RGPD4: variants seen among roughly 807,000 people sequenced by gnomAD.
RGPD4 encodes the protein RANBP2 like and GRIP domain containing 4.
In RGPD4, 84 loss-of-function variants were observed where a neutral mutation model predicts 141.1. The ratio of observed to expected loss-of-function variants is 0.60; its 90% confidence interval spans 0.50 to 0.71. The LOEUF is 0.71. RGPD4 is among the 30% of genes least tolerant of loss of function. The pLI, the probability that RGPD4 is intolerant of heterozygous loss-of-function variation, is 0.00. For missense variants in RGPD4, 918 were observed against 1,622.4 expected, an observed-to-expected ratio of 0.57 and a Z score of 7.46; for synonymous variants, 298 against 566.8, an observed-to-expected ratio of 0.53 and a Z score of 6.74.
chr2:107,853,976 T>C (rs943927557), intron 7 of RGPD4, among the ~76,000 whole-genome samples: 4 of 143,298 alleles, frequency 2.8e-5, no homozygotes, highest in African/African-American at 1.1e-4. Context: ...TCTTGAACTC[T>C]GGGCTCAAGT....
rs545456344 is a variant in RGPD4, at chr2:107,880,058, T to G, written c.5015T>G (p.Leu1672Arg). 293 of 1,611,426 alleles carry G rather than the reference T, an allele frequency of 1.8e-4. 1 individual carries two copies. Among genetic ancestry groups the G allele is most frequent in the South Asian group, 1.3e-3 (118 of 90,984 alleles). Residue 1672 changes from leucine (L) to arginine (R), a missense_variant, in exon 21 of 23, where the codon CTG becomes CGG. Physicochemically the swap from Leu to Arg is moderately radical, Grantham distance 102. Coordinates refer to ENST00000408999, the MANE Select transcript of RGPD4 (RefSeq NM_182588.3). ...TTKSADHLNG[L>R]LREAEATSAV... Reference sequence around the variant, plus strand: ...AAAAGTGCAGATCACTTAAACGGCCTGCTTCGGGAAGCAGAGGCAACCAGT... The same window carrying G: ...AAAAGTGCAGATCACTTAAACGGCCGGCTTCGGGAAGCAGAGGCAACCAGT...
At chr2:107,869,792 T>C (rs1682843807) in intron 18 of RGPD4, 91 bp from the exon 19 acceptor site, 3 of 1,470,134 alleles carry the variant, frequency 2.0e-6, no homozygotes, top group Non-Finnish European at 9.1e-7. Flanking sequence ...TTAATTTCTA[T>C]TGCTTTTGTA....
rs747724256 is a variant in RGPD4 at position 107,871,028 on chromosome 2, C to T, written c.3024C>T (p.Cys1008=). The T allele has an allele frequency of 5.9e-5, 95 of 1,610,958 alleles. No individual in the cohort carries two copies. The highest frequency in any genetic ancestry group is 2.3e-4 in the Middle Eastern group (1 of 4,430). Residue 1008 remains cysteine (C), a synonymous_variant, in exon 20 of 23, where the codon TGC becomes TGT. Coordinates refer to ENST00000408999, the MANE Select transcript of RGPD4 (RefSeq NM_182588.3). ...GAGAAAAATTATTCTCATCACAATG[C>T]GGTAAAATGGCCAATAAAGCAAACA... ...GAGEKLFSSQ[C]GKMANKANTS... is the part of the protein sequence containing the mutation.
chr2:107,872,116 T>A lies in RGPD4; in HGVS notation c.4112T>A (p.Val1371Asp). Residue 1371 changes from valine (V) to aspartate (D), a missense_variant, in exon 20 of 23, where the codon GTT (valine) becomes GAT (aspartate). Coordinates refer to ENST00000408999, the MANE Select transcript of RGPD4 (RefSeq NM_182588.3). ...RAELYRYDKDVGQWKERGIGD... is the reference protein window; with the variant it reads ...RAELYRYDKDDGQWKERGIGD... Reference sequence around the variant, plus strand: ...GAACTCTACAGATATGATAAAGATGTTGGTCAATGGAAAGAAAGGGGCATT... The same window carrying A: ...GAACTCTACAGATATGATAAAGATGATGGTCAATGGAAAGAAAGGGGCATT... 3.7e-6 allele frequency: 6 copies of A among 1,611,294 alleles called. No individual in the cohort carries two copies. The highest frequency in any genetic ancestry group is 4.2e-6 in the Non-Finnish European group (5 of 1,179,620).
chr2:107,874,869 A>G (rs1241200151), intron 20 of RGPD4, among the ~76,000 whole-genome samples: 1 of 151,522 alleles, frequency 6.6e-6, no homozygotes, highest in Admixed American at 6.6e-5. Context: ...GTGTACTGTT[A>G]TTTCTCCTAG....
intron 17 of RGPD4, among the ~76,000 whole-genome samples, chr2:107,863,773 G>A (rs1447270982): frequency 3.3e-5 from 5 of 151,952 alleles, no homozygotes; most frequent in African/African-American, 1.2e-4. Flanking sequence ...GATTACAGGT[G>A]TAAACCACCG....
chr2:107,863,730 C>A (rs1168230187), intron 17 of RGPD4, among the ~76,000 whole-genome samples: 1 of 151,760 alleles, frequency 6.6e-6, no homozygotes, highest in Admixed American at 6.6e-5. Flanking sequence ...TGACCTCAGG[C>A]GATCTGCCCG....
chr2:107,886,778 GC>G (rs1016573941), intron 22 of RGPD4, among the ~76,000 whole-genome samples: 4 of 151,984 alleles, frequency 2.6e-5, no homozygotes, highest in Admixed American at 2.6e-4. Flanking sequence ...AGGAAACAGG[GC>G]CCATCAGAGC....
chr2:107,885,559 C>A (rs545531744), intron 22 of RGPD4, among the ~76,000 whole-genome samples: 1 of 152,210 alleles, frequency 6.6e-6, no homozygotes, highest in Admixed American at 6.5e-5. Context: ...AGGAGATACA[C>A]ATTGGAAACC....
chr2:107,885,315 T>C (rs1364611256), intron 22 of RGPD4, among the ~76,000 whole-genome samples: 1 of 152,194 alleles, frequency 6.6e-6, no homozygotes. Flanking sequence ...ACCAGGACTT[T>C]AAGAACGTTT....
chr2:107,876,588 C>A (rs928929373), intron 20 of RGPD4, among the ~76,000 whole-genome samples: 6 of 150,936 alleles, frequency 4.0e-5, no homozygotes, highest in African/African-American at 1.2e-4. Context: ...AGTTTTAGTT[C>A]AGCCGTACCC....
chr2:107,831,813 C>T (rs1204075797), intron 1 of RGPD4, among the ~76,000 whole-genome samples: 3 of 145,204 alleles, frequency 2.1e-5, no homozygotes, highest in Non-Finnish European at 4.5e-5. Flanking sequence ...CCTCATGATC[C>T]GCCCGCCTCA....
intron 1 of RGPD4, among the ~76,000 whole-genome samples, chr2:107,833,130 G>T (rs1681552519): frequency 1.3e-5 from 2 of 148,258 alleles, no homozygotes; most frequent in Non-Finnish European, 1.5e-5. Context: ...ATTTGTAGCT[G>T]ATCAGATGGG....
intron 9 of RGPD4, among the ~76,000 whole-genome samples, chr2:107,858,351 A>G (rs1354568981): frequency 2.6e-5 from 4 of 152,228 alleles, no homozygotes; most frequent in African/African-American, 9.7e-5. Context: ...CAAATTGCCA[A>G]AATGACAGAA....
chr2:107,859,510 A>G lies in RGPD4; in HGVS notation c.1590A>G (p.Lys530=). Reference sequence around the variant, plus strand: ...AACAGCTTTGTACAGAAAGACAAAAATCTTGGTGGGATGCGGTTTGTACTC... The same window carrying G: ...AACAGCTTTGTACAGAAAGACAAAAGTCTTGGTGGGATGCGGTTTGTACTC... The part of the protein sequence containing the change: ...VCKQLCTERQ[K]SWWDAVCTLI... The change falls in exon 11 of 23, where the codon AAA becomes AAG. Residue 530 remains lysine, a synonymous_variant. Transcript: ENST00000408999. 2 of 1,611,402 alleles carry G rather than the reference A, an allele frequency of 1.2e-6. No homozygotes were observed. The highest frequency in any genetic ancestry group is 2.2e-5 in the South Asian group (2 of 90,976).
chr2:107,888,385 T>C (rs554935532), intron 22 of RGPD4, among the ~76,000 whole-genome samples: 1 of 151,680 alleles, frequency 6.6e-6, no homozygotes, highest in South Asian at 2.1e-4. Context: ...TGCATTTCAG[T>C]TTAGGGAAAT....
intron 6 of RGPD4, among the ~76,000 whole-genome samples, chr2:107,847,086 CA>C (rs1233177675): frequency 6.7e-6 from 1 of 149,442 alleles, no homozygotes; most frequent in African/African-American, 2.5e-5. Flanking sequence ...ACTAAAAATA[CA>C]AAAAATTAGC....
chr2:107,859,551 C>T lies in RGPD4; in HGVS notation c.1631C>T (p.Ala544Val). The change falls in exon 11 of 23, where the codon GCA becomes GTA. Residue 544 changes from alanine to valine, a missense_variant. Physicochemically the swap from Ala to Val is moderately conservative, Grantham distance 64. Coordinates refer to ENST00000408999, the MANE Select transcript of RGPD4 (RefSeq NM_182588.3). Reference protein sequence around the residue: ...DAVCTLIHRKAVPGNSAKLRL... With the variant: ...DAVCTLIHRKVVPGNSAKLRL... ...GTTTGTACTCTGATTCACAGAAAAG[C>T]AGTGTAAGTAGTAAAACAAAAATAT... 6.2e-7 allele frequency: 1 copy of T among 1,611,394 alleles called. No individual in the cohort carries two copies. The highest frequency in any genetic ancestry group is 1.1e-5 in the South Asian group (1 of 90,984).
chr2:107,871,711 T>A lies in RGPD4; in HGVS notation c.3707T>A (p.Ile1236Lys), dbSNP rs1399958261. ...TGAAGASDTTIKPNPENTGPT... is the reference protein window; with the variant it reads ...TGAAGASDTTKKPNPENTGPT... The stretch of plus-strand genomic sequence containing the variant: ...GCGGCCGGTGCCTCAGACACAACAA[T>A]AAAACCCAATCCTGAAAACACTGGG... Residue 1236 changes from isoleucine (I) to lysine (K), a missense_variant, in exon 20 of 23, where the codon ATA becomes AAA. Coordinates refer to ENST00000408999, the MANE Select transcript of RGPD4 (RefSeq NM_182588.3). 6 of 1,610,208 alleles carry A rather than the reference T, an allele frequency of 3.7e-6. No homozygotes were observed. The South Asian group carries it at 5.5e-5, about 15-fold the overall frequency.
Sources: gnomAD v4.1 joint callset for allele counts (sites outside exome capture counted in the v4.1 genomes callset) on GRCh38, gnomAD v4.1.1 for gene constraint, MANE v1.5 for transcripts, NCBI Gene and HGNC (gene_info 2026-07-23, HGNC 2026-07-21) for gene names.